IFFO2: variants seen among roughly 807,000 people sequenced by gnomAD.
IFFO2 encodes intermediate filament family orphan 2.
IFFO2 carries 19 observed loss-of-function variants against 53.5 expected under a neutral mutation model. That is an observed-to-expected ratio of 0.36 (90% confidence interval 0.25 to 0.52). The LOEUF is 0.52. Among genes scored for constraint, IFFO2 ranks in the 20% least tolerant of loss-of-function variants. The pLI is 0.94. For synonymous variants in IFFO2, 303 were observed against 313.6 expected (o/e 0.97, Z 0.36); for missense variants, 570 against 727.4 (o/e 0.78, Z 2.49).
At chr1:18,921,711 G>A (rs994542731) in intron 1 of IFFO2, among the ~76,000 whole-genome samples, 1 of 152,182 alleles carries the variant, frequency 6.6e-6, no homozygotes, top group Non-Finnish European at 1.5e-5. Context: ...GTCAGCAGGT[G>A]GGGCTGTTTT....
rs1012760834 is a variant in IFFO2, at chr1:18,947,823, C to A, written c.665+7845G>T. On this transcript the variant is annotated intron_variant, in intron 1 of 8. Transcript: ENST00000455833. This position sits in a 1 kb window ranked among gnomAD's most constrained non-coding sequence, Gnocchi z 5.0. Reference sequence around the variant, plus strand: ...GCAGGGAGTCTTCCCAGCGCAGCAGCCGCCTCCTATTCTGCCACCCGCCAT... The same window carrying A: ...GCAGGGAGTCTTCCCAGCGCAGCAGACGCCTCCTATTCTGCCACCCGCCAT... Among the ~76,000 whole-genome samples, 4 of 152,228 alleles carry A rather than the reference C, an allele frequency of 2.6e-5. No individual in the cohort carries two copies. Among genetic ancestry groups the A allele is most frequent in the Non-Finnish European group, 5.9e-5 (4 of 68,036 alleles).
In IFFO2 at chr1:18,956,555, A is replaced by T. The variant is rs1046189174; in HGVS notation, c.-223T>A. On this transcript the variant is annotated 5_prime_UTR_variant, in exon 1 of 9. Coordinates refer to ENST00000455833, the MANE Select transcript of IFFO2 (RefSeq NM_001136265.2). This position sits in a 1 kb window ranked among gnomAD's most constrained non-coding sequence, Gnocchi z 6.4. ...AGAGGGCACTCGGCCGCTCCTCGGG[A>T]CGCGGTGGAGGCCGCGGTATCTGCG... 1.3e-5 allele frequency: 2 copies of T among 156,124 alleles called. No individual in the cohort carries two copies. The highest frequency in any genetic ancestry group is 2.8e-5 in the Non-Finnish European group (2 of 70,906). The allele number at this position is 156,124 out of a possible 1,614,324, so 9.7% of individuals were successfully genotyped here.
chr1:18,955,704 G>T lies in IFFO2; in HGVS notation c.629C>A (p.Ala210Asp). 6.3e-7 allele frequency: 1 copy of T among 1,595,372 alleles called. No individual in the cohort carries two copies. ...CTCGTCGCGCTCGCGCTTCACCTTG[G>T]CCAGCACGTTGTAGAGCGCGCGGAT... ...PEIRALYNVL[A>D]KVKRERDEYK... Residue 210 changes from alanine (A) to aspartate (D), a missense_variant, in exon 1 of 9, where the codon GCC becomes GAC. Transcript: ENST00000455833.
intron 1 of IFFO2, among the ~76,000 whole-genome samples, chr1:18,923,382 G>C (rs886899252): frequency 3.3e-5 from 5 of 152,168 alleles, no homozygotes; most frequent in African/African-American, 7.2e-5. Context: ...AGAAAACGAG[G>C]ACCAGAGAGG....
rs547030551 is a variant in IFFO2, at chr1:18,918,557, G to A, written c.823-55C>T. On this transcript the variant is annotated intron_variant, in intron 3 of 8. Coordinates refer to ENST00000455833, the MANE Select transcript of IFFO2 (RefSeq NM_001136265.2). The surrounding 1 kb of genome is among the most constrained non-coding windows in gnomAD (Gnocchi z 5.2). ...GCGAGGGATGGAGCAAGCCTGGGGG[G>A]CTTGGCAGAGAGGTGGGGAGACCCC... 1.3e-6 allele frequency: 2 copies of A among 1,537,508 alleles called. No homozygotes were observed. The highest frequency in any genetic ancestry group is 1.8e-6 in the Non-Finnish European group (2 of 1,135,452).
In IFFO2 at chr1:18,918,721, G is replaced by A. The variant is rs560356102; in HGVS notation, c.823-219C>T. 6.6e-6 allele frequency among the ~76,000 whole-genome samples: 1 copy of A among 152,068 alleles called. No homozygotes were observed. The highest frequency in any genetic ancestry group is 6.5e-5 in the Admixed American group (1 of 15,272). ...CTTGGGAGTCAGGGGCCAGTGTGAC[G>A]CCGTGTGTGCTGCTCTCCCTAAGGG... On this transcript the variant is annotated intron_variant, in intron 3 of 8. Coordinates refer to ENST00000455833, the MANE Select transcript of IFFO2 (RefSeq NM_001136265.2). This position sits in a 1 kb window ranked among gnomAD's most constrained non-coding sequence, Gnocchi z 5.2.
chr1:18,948,226 CTT>C (rs1936614374), intron 1 of IFFO2, among the ~76,000 whole-genome samples: 3 of 152,340 alleles, frequency 2.0e-5, no homozygotes, highest in African/African-American at 7.2e-5. Flanking sequence ...TTTTAATTGA[CTT>C]TTACCTCAAC....
intron 1 of IFFO2, among the ~76,000 whole-genome samples, chr1:18,934,113 C>G (rs1361871417): frequency 7.7e-6 from 1 of 129,886 alleles, no homozygotes; most frequent in African/African-American, 3.0e-5. Flanking sequence ...GTTGCCCAGG[C>G]TGGAGTGCAG....
chr1:18,944,412 C>G (rs964124792), intron 1 of IFFO2, among the ~76,000 whole-genome samples: 2 of 152,090 alleles, frequency 1.3e-5, no homozygotes, highest in Non-Finnish European at 2.9e-5. Flanking sequence ...AGGGGAGCAG[C>G]CAAGCCTCCC....
At chr1:18,949,829 G>C (rs148645634) in intron 1 of IFFO2, among the ~76,000 whole-genome samples, 1 of 152,222 alleles carries the variant, frequency 6.6e-6, no homozygotes, top group Non-Finnish European at 1.5e-5. Context: ...GCATACACGT[G>C]GGGGGAAGGG....
Position 18,917,473 on chromosome 1 carries a change from ACGG to A in IFFO2, c.964-434_964-432del, listed in dbSNP as rs1936149567. Among the ~76,000 whole-genome samples, 1 of 152,268 alleles carries A rather than the reference ACGG, an allele frequency of 6.6e-6. No homozygotes were observed. Among genetic ancestry groups the A allele is most frequent in the African/African-American group, 2.4e-5 (1 of 41,550 alleles). Reference sequence around the variant, plus strand: ...GCTCACATGCAAAGGCAAAGGACAGACGGCCCAAGGTTCACCGAAAGCTTCCAC... The same window carrying A: ...GCTCACATGCAAAGGCAAAGGACAGACCCAAGGTTCACCGAAAGCTTCCAC... On this transcript the variant is annotated intron_variant, in intron 4 of 8. Transcript: ENST00000455833. This position sits in a 1 kb window ranked among gnomAD's most constrained non-coding sequence, Gnocchi z 5.9.
chr1:18,935,847 A>G (rs909069543), intron 1 of IFFO2, among the ~76,000 whole-genome samples: 18 of 143,706 alleles, frequency 1.3e-4, no homozygotes, highest in African/African-American at 4.6e-4. Context: ...ATGCCACCAC[A>G]CCTGGCTAAT....
intron 1 of IFFO2, among the ~76,000 whole-genome samples, chr1:18,934,609 G>A (rs1355506129): frequency 2.0e-5 from 3 of 152,174 alleles, no homozygotes; most frequent in Non-Finnish European, 4.4e-5. Flanking sequence ...AAACAGGTAA[G>A]CCAGATAAAA....
rs1287302808 is a variant in IFFO2 at position 18,916,958 on chromosome 1, C to T, written c.1048G>A (p.Asp350Asn). 8 of 1,551,926 alleles carry T rather than the reference C, an allele frequency of 5.2e-6. No homozygotes were observed. Among genetic ancestry groups the T allele is most frequent in the East Asian group, 2.4e-5 (1 of 40,924 alleles). Residue 350 changes from aspartate to asparagine, a missense_variant, in exon 5 of 9, where the codon GAT becomes AAT. Transcript: ENST00000455833. The surrounding 1 kb of genome is among the most constrained non-coding windows in gnomAD (Gnocchi z 4.3). ...GTGATGTTCATGGAGCCGACCTCATCGTCCGAGAACCGGTTCACCTCCCCG... is the reference window on the plus strand; with the variant it reads ...GTGATGTTCATGGAGCCGACCTCATTGTCCGAGAACCGGTTCACCTCCCCG... ...QDGEVNRFSD[D>N]EVGSMNITDE... is the part of the protein sequence containing the mutation.
At position 18,919,721 on chromosome 1, in the gene IFFO2, C is replaced by A. The variant is rs767813495; in HGVS notation, c.779G>T (p.Arg260Leu). The A allele has an allele frequency of 2.7e-5, 42 of 1,551,570 alleles. No homozygotes were observed. The highest frequency in any genetic ancestry group is 3.6e-5 in the Non-Finnish European group (41 of 1,146,992). ...AAACACCACCAGCTCGGCCTTGAGC[C>A]GCTCGATCTTCTCATTCATCTCCTC... ...IQEEMNEKIE[R>L]LKAELVVFKG... Residue 260 changes from arginine to leucine, a missense_variant, in exon 3 of 9, where the codon CGG (arginine) becomes CTG (leucine). Transcript: ENST00000455833. The surrounding 1 kb of genome is among the most constrained non-coding windows in gnomAD (Gnocchi z 4.9).
intron 5 of IFFO2, among the ~76,000 whole-genome samples, chr1:18,913,197 G>A (rs1459220459): frequency 1.3e-5 from 2 of 152,224 alleles, no homozygotes; most frequent in African/African-American, 4.8e-5. Flanking sequence ...CTGGTAAAAA[G>A]CTGCCTCGAG....
At chr1:18,940,214 G>A (rs1334449797) in intron 1 of IFFO2, among the ~76,000 whole-genome samples, 1 of 152,216 alleles carries the variant, frequency 6.6e-6, no homozygotes, top group Non-Finnish European at 1.5e-5. Context: ...AACAGCAGAG[G>A]AGGAAGAGCT....
chr1:18,946,529 C>T (rs1198343353), intron 1 of IFFO2, among the ~76,000 whole-genome samples: 2 of 151,734 alleles, frequency 1.3e-5, no homozygotes, highest in East Asian at 1.9e-4. Flanking sequence ...ATTCTCCTGC[C>T]TCAGCTTCCT....
chr1:18,938,663 C>T (rs1569858962), intron 1 of IFFO2, among the ~76,000 whole-genome samples: 1 of 152,198 alleles, frequency 6.6e-6, no homozygotes, highest in African/African-American at 2.4e-5. Context: ...ACCTTCTGCA[C>T]AAGGAAGCTC....
Sources: allele counts gnomAD v4.1 joint callset (sites outside exome capture counted in the v4.1 genomes callset), GRCh38; gene constraint gnomAD v4.1.1; non-coding constraint Gnocchi (gnomAD v3.1); transcripts MANE v1.5; gene names NCBI Gene and HGNC (gene_info 2026-07-23, HGNC 2026-07-21).